Variants in LTBP1 observed in about 807,000 individuals in gnomAD.
LTBP1 encodes latent-transforming growth factor beta-binding protein 1.
Under a neutral mutation model 207.6 loss-of-function variants are expected in LTBP1, and 129 were observed. The observed-to-expected ratio is 0.62, with a 90% CI of 0.54 to 0.72. The LOEUF (loss-of-function observed/expected upper bound fraction) is 0.72, where lower values mean the gene tolerates loss of function less well. Ranked by LOEUF, LTBP1 falls within the 30% of genes least tolerant of loss-of-function variation. The probability of loss-of-function intolerance (pLI) is 0.00; values close to 1 mark genes in which losing one functional copy is unlikely to be tolerated. For synonymous variants in LTBP1, 963 were observed against 833.7 expected (o/e 1.16, Z -2.67); for missense variants, 2,281 against 2,217.2 (o/e 1.03, Z -0.58).
intron 32 of LTBP1, among the ~76,000 whole-genome samples, chr2:33,389,724 C>T (rs2095299172): frequency 1.3e-5 from 2 of 152,138 alleles, no homozygotes; most frequent in Admixed American, 1.3e-4. Flanking sequence ...ACTGCAACCT[C>T]CACCTCCCGG....
At position 32,959,589 on chromosome 2, in the gene LTBP1, A is replaced by ATGCACG. The variant is rs1227648047; in HGVS notation, c.565+10646_565+10647insCACGTG. On this transcript the variant is annotated intron_variant, in intron 2 of 33. Coordinates refer to ENST00000404816, the MANE Select transcript of LTBP1 (RefSeq NM_206943.4). The stretch of plus-strand genomic sequence containing the variant: ...TGTGTGTGTATGTATATGTATATAT[A>ATGCACG]TGTACGTGTATATATATATATATAT... Among the ~76,000 whole-genome samples the ATGCACG allele has an allele frequency of 5.1e-4, 58 of 113,986 alleles. 1 individual carries two copies. The highest frequency in any genetic ancestry group is 9.6e-4 in the African/African-American group (29 of 30,126). The allele number at this position is 113,986 out of a possible 152,430, so 74.8% of individuals were successfully genotyped here. A position where few individuals can be genotyped will look rare whatever the true frequency, so the allele number is the denominator to read the frequency against.
In LTBP1 at chr2:33,112,867, T is replaced by A. The variant is rs150172220; in HGVS notation, c.1033+2116T>A. Among the ~76,000 whole-genome samples, 880 of 152,318 alleles carry A rather than the reference T, an allele frequency of 5.8e-3. 8 individuals carry two copies. The highest frequency in any genetic ancestry group is 0.01 in the Middle Eastern group (3 of 294). On this transcript the variant is annotated intron_variant, in intron 4 of 33. Coordinates refer to ENST00000404816, the MANE Select transcript of LTBP1 (RefSeq NM_206943.4). ...GGAACAGAAAGGAAGGAACAGTTAG[T>A]CAGAGAAGTCTGAGGAAAAGCAGAA...
At chr2:33,349,465 C>G (rs2094750473) in intron 26 of LTBP1, among the ~76,000 whole-genome samples, 1 of 151,792 alleles carries the variant, frequency 6.6e-6, no homozygotes, top group Admixed American at 6.6e-5. Flanking sequence ...AAAGTACATT[C>G]ATACACCAAT....
At chr2:33,034,623 A>C (rs968248726) in intron 3 of LTBP1, among the ~76,000 whole-genome samples, 1 of 152,208 alleles carries the variant, frequency 6.6e-6, no homozygotes, top group African/African-American at 2.4e-5. Flanking sequence ...TAATGAGCAC[A>C]ACTGCATTTT....
At chr2:33,307,712 A>T (rs1196428297) in intron 22 of LTBP1, among the ~76,000 whole-genome samples, 2 of 152,252 alleles carry the variant, frequency 1.3e-5, no homozygotes, top group Non-Finnish European at 2.9e-5. Flanking sequence ...TTAAAGAAAA[A>T]GTTGAGAACC....
intron 10 of LTBP1, among the ~76,000 whole-genome samples, chr2:33,245,696 G>T (rs1573399647): frequency 6.6e-6 from 1 of 152,208 alleles, no homozygotes; most frequent in South Asian, 2.1e-4. Flanking sequence ...ATAACTTAGG[G>T]GATCATTTTT....
In LTBP1 at chr2:33,022,129, CA is replaced by C. The variant is rs1320924830; in HGVS notation, c.863+924del. On this transcript the variant is annotated intron_variant, in intron 3 of 33. Coordinates refer to ENST00000404816, the MANE Select transcript of LTBP1 (RefSeq NM_206943.4). The stretch of plus-strand genomic sequence containing the variant: ...CAGCTTCCATATGGTGATTAGTATC[CA>C]GTCAGCCCACAGAAGTTATTCAGTC... Among the ~76,000 whole-genome samples the C allele has an allele frequency of 2.0e-5, 3 of 152,114 alleles. No homozygotes were observed. The South Asian group carries it at 6.2e-4, about 32-fold the overall frequency.
At position 33,253,863 on chromosome 2, in the gene LTBP1, C is replaced by G. The variant is rs534549497; in HGVS notation, c.2167+1019C>G. 2.8e-3 allele frequency among the ~76,000 whole-genome samples: 405 copies of G among 142,366 alleles called. 4 individuals are homozygous for G. The highest frequency in any genetic ancestry group is 9.5e-3 in the African/African-American group (359 of 37,928). 93.4% of individuals were successfully genotyped at this position (142,366 alleles called of 152,430 possible). A position where few individuals can be genotyped will look rare whatever the true frequency, so the allele number is the denominator to read the frequency against. ...CCTAGTACCCTCTTGTGCTCTTGCTCTTGTGCCATCTGATGCACTTTTTTT... is the reference window on the plus strand; with the variant it reads ...CCTAGTACCCTCTTGTGCTCTTGCTGTTGTGCCATCTGATGCACTTTTTTT... On this transcript the variant is annotated intron_variant, in intron 11 of 33. Coordinates refer to ENST00000404816, the MANE Select transcript of LTBP1 (RefSeq NM_206943.4).
chr2:33,057,820 C>T (rs1031320655), intron 3 of LTBP1, among the ~76,000 whole-genome samples: 116 of 152,366 alleles, frequency 7.6e-4, no homozygotes, highest in African/African-American at 2.6e-3. Flanking sequence ...CTCCACACCT[C>T]CCCGCAAGCC....
Position 33,363,826 on chromosome 2 carries a change from G to A in LTBP1, c.4399+308G>A, listed in dbSNP as rs1399871768. Among the ~76,000 whole-genome samples, 3 of 152,210 alleles carry A rather than the reference G, an allele frequency of 2.0e-5. No homozygotes were observed. The East Asian group carries it at 5.8e-4, about 29-fold the overall frequency. On this transcript the variant is annotated intron_variant, in intron 29 of 33. Coordinates refer to ENST00000404816, the MANE Select transcript of LTBP1 (RefSeq NM_206943.4). ...CATCCTGTTTCATCACTCATACCGTGCAAGTGACAGCCATTTTAAATACTG... is the reference window on the plus strand; with the variant it reads ...CATCCTGTTTCATCACTCATACCGTACAAGTGACAGCCATTTTAAATACTG...
chr2:33,308,833 G>A (rs1000908459), intron 22 of LTBP1, among the ~76,000 whole-genome samples: 6 of 152,096 alleles, frequency 3.9e-5, no homozygotes. Context: ...ACAGAAGCTT[G>A]TATAAATAGA....
chr2:33,089,917 C>A (rs578061485), intron 3 of LTBP1, among the ~76,000 whole-genome samples: 2 of 152,304 alleles, frequency 1.3e-5, no homozygotes, highest in African/African-American at 2.4e-5. Flanking sequence ...GATAAAGTTA[C>A]AACAGCCACA....
At chr2:33,354,890 G>A (rs528576052) in intron 26 of LTBP1, among the ~76,000 whole-genome samples, 23 of 152,138 alleles carry the variant, frequency 1.5e-4, no homozygotes, top group Admixed American at 3.3e-4. Context: ...ACAGGCCCAC[G>A]CCACCATGCA....
intron 22 of LTBP1, among the ~76,000 whole-genome samples, chr2:33,302,868 G>A (rs2094011293): frequency 6.6e-6 from 1 of 151,678 alleles, no homozygotes; most frequent in South Asian, 2.1e-4. Flanking sequence ...GTCAAGACCA[G>A]CCTGGCCAAC....
At chr2:33,078,161 A>G (rs1415966835) in intron 3 of LTBP1, among the ~76,000 whole-genome samples, 1 of 152,220 alleles carries the variant, frequency 6.6e-6, no homozygotes, top group African/African-American at 2.4e-5. Context: ...ATGAAATGTG[A>G]TAACTGCTGT....
intron 3 of LTBP1, among the ~76,000 whole-genome samples, chr2:33,043,563 G>A (rs1435735253): frequency 6.6e-6 from 1 of 152,138 alleles, no homozygotes; most frequent in Non-Finnish European, 1.5e-5. Flanking sequence ...GAGGGAGAGA[G>A]TGTTTCAGGC....
intron 24 of LTBP1, chr2:33,317,594 G>A (rs1391744982): frequency 6.6e-6 from 1 of 152,234 alleles, no homozygotes; most frequent in Non-Finnish European, 1.5e-5. Context: ...AGGCTGATGT[G>A]TGATTGAAAT....
At chr2:33,251,931 C>T (rs1393984900) in intron 10 of LTBP1, among the ~76,000 whole-genome samples, 3 of 152,096 alleles carry the variant, frequency 2.0e-5, no homozygotes, top group Non-Finnish European at 2.9e-5. Context: ...GCCATGTGTG[C>T]CTAGCAGAGT....
At chr2:33,314,228 C>G (rs1208446533) in intron 23 of LTBP1, among the ~76,000 whole-genome samples, 1 of 152,132 alleles carries the variant, frequency 6.6e-6, no homozygotes, top group African/African-American at 2.4e-5. Flanking sequence ...TCATCGGAAA[C>G]CATGCAAATA....
Sources: gnomAD v4.1 joint callset for allele counts (sites outside exome capture counted in the v4.1 genomes callset) on GRCh38, gnomAD v4.1.1 for gene constraint, MANE v1.5 for transcripts, NCBI Gene and HGNC (gene_info 2026-07-23, HGNC 2026-07-21) for gene names.